Variants in OPCML observed in about 807,000 individuals in gnomAD.
The protein encoded by OPCML is opioid binding protein/cell adhesion molecule like.
In OPCML, 13 loss-of-function variants were observed where a neutral mutation model predicts 37.8. That is an observed-to-expected ratio of 0.34 (90% CI 0.22 to 0.55). The LOEUF (loss-of-function observed/expected upper bound fraction) is 0.55. Ranked by LOEUF, OPCML falls within the 20% of genes least tolerant of loss-of-function variation. The pLI is 0.91. For missense variants in OPCML, 341 were observed against 435.6 expected, an observed-to-expected ratio of 0.78 and a Z score of 1.93; for synonymous variants, 176 against 168.8, an observed-to-expected ratio of 1.04 and a Z score of -0.33.
At chr11:132,468,507 C>A (rs987097296) in intron 4 of OPCML, among the ~76,000 whole-genome samples, 1 of 152,102 alleles carries the variant, frequency 6.6e-6, no homozygotes, top group African/African-American at 2.4e-5. Context: ...TACAGTAATA[C>A]CTAACACTTG....
intron 3 of OPCML, among the ~76,000 whole-genome samples, chr11:132,586,604 G>A (rs898060444): frequency 6.6e-6 from 1 of 152,122 alleles, no homozygotes. Flanking sequence ...CCAGGGCTAC[G>A]ACAACTCTCC....
rs114062761 is a variant in OPCML at position 132,993,748 on chromosome 11, A to T, written c.62-50738T>A. On this transcript the variant is annotated intron_variant, in intron 1 of 7. Coordinates refer to ENST00000524381, the MANE Select transcript of OPCML (RefSeq NM_001012393.5). ...TCTAAATTCAGCACCTGTAAGCGCCACTACTTATCAGTTAATACATTTTAT... is the reference window on the plus strand; with the variant it reads ...TCTAAATTCAGCACCTGTAAGCGCCTCTACTTATCAGTTAATACATTTTAT... Among the ~76,000 whole-genome samples, 671 of 152,318 alleles carry T rather than the reference A, an allele frequency of 4.4e-3. 4 individuals carry two copies. Among genetic ancestry groups the T allele is most frequent in the African/African-American group, 0.015 (639 of 41,570 alleles).
chr11:132,847,005 C>T (rs1043392592), intron 2 of OPCML, among the ~76,000 whole-genome samples: 2 of 152,112 alleles, frequency 1.3e-5, no homozygotes, highest in Non-Finnish European at 2.9e-5. Context: ...AAAGATGTTC[C>T]CCCCAATGCC....
rs574241582 is a variant in OPCML, at chr11:132,689,417, C to T, written c.147-32098G>A. Among the ~76,000 whole-genome samples, 7 of 152,268 alleles carry T rather than the reference C, an allele frequency of 4.6e-5. No homozygotes were observed. The South Asian group carries it at 1.2e-3, about 27-fold the overall frequency. ...TGAGGAATAGGGCAAAGACTCTCTC[C>T]GTGTATTGACAAAATTGTGATTCTA... On this transcript the variant is annotated intron_variant, in intron 2 of 7. Coordinates refer to ENST00000524381, the MANE Select transcript of OPCML (RefSeq NM_001012393.5).
At position 132,867,445 on chromosome 11, in the gene OPCML, G is replaced by A. The variant is rs535257526; in HGVS notation, c.146+75481C>T. ...AATAGAAGTTACTTTCATTGAGGAT[G>A]AAATAAAATGTTTGTTTTGTTTTGG... On this transcript the variant is annotated intron_variant, in intron 2 of 7. Coordinates refer to ENST00000524381, the MANE Select transcript of OPCML (RefSeq NM_001012393.5). Among the ~76,000 whole-genome samples the A allele has an allele frequency of 3.3e-5, 5 of 152,322 alleles. No individual in the cohort carries two copies. The South Asian group carries it at 1.0e-3, about 32-fold the overall frequency.
chr11:133,527,398 T>C (rs1032647862), intron 1 of OPCML, among the ~76,000 whole-genome samples: 1 of 152,238 alleles, frequency 6.6e-6, no homozygotes, highest in Admixed American at 6.5e-5. Flanking sequence ...TTTACTCGAT[T>C]AATGATTTTT....
At chr11:132,708,983 G>A (rs1565793808) in intron 2 of OPCML, among the ~76,000 whole-genome samples, 2 of 152,040 alleles carry the variant, frequency 1.3e-5, no homozygotes. Flanking sequence ...TAGTCTCATG[G>A]GTCACGGAGT....
chr11:132,563,005 G>C (rs189083011), intron 3 of OPCML, among the ~76,000 whole-genome samples: 1 of 152,252 alleles, frequency 6.6e-6, no homozygotes, highest in African/African-American at 2.4e-5. Context: ...GTTGTGTTCT[G>C]TATTCACTTT....
intron 1 of OPCML, among the ~76,000 whole-genome samples, chr11:133,184,958 C>T (rs527792166): frequency 1.2e-4 from 18 of 152,264 alleles, no homozygotes; most frequent in Admixed American, 2.6e-4. Context: ...TCTTGCCATA[C>T]AGATTTTTGT....
intron 1 of OPCML, among the ~76,000 whole-genome samples, chr11:133,200,881 A>G (rs1406849903): frequency 6.6e-6 from 1 of 152,206 alleles, no homozygotes; most frequent in Admixed American, 6.5e-5. Flanking sequence ...GAATCCACCT[A>G]GAAGGCCATC....
intron 2 of OPCML, among the ~76,000 whole-genome samples, chr11:132,867,048 T>C (rs971962538): frequency 3.3e-5 from 5 of 152,238 alleles, no homozygotes; most frequent in Non-Finnish European, 5.9e-5. Flanking sequence ...TGAGGCCCTT[T>C]GTGATTTGAA....
chr11:133,259,165 A>G (rs1941414666), intron 1 of OPCML, among the ~76,000 whole-genome samples: 1 of 152,126 alleles, frequency 6.6e-6, no homozygotes, highest in South Asian at 2.1e-4. Context: ...ACAGGAAATG[A>G]CTTGTTCACG....
intron 1 of OPCML, among the ~76,000 whole-genome samples, chr11:133,149,364 C>A (rs1413016022): frequency 6.6e-6 from 1 of 152,134 alleles, no homozygotes; most frequent in Non-Finnish European, 1.5e-5. Flanking sequence ...CATATATTTC[C>A]CCCTGCAAAT....
intron 3 of OPCML, among the ~76,000 whole-genome samples, chr11:132,641,951 G>T (rs61346062): frequency 8.5e-5 from 13 of 152,270 alleles, no homozygotes; most frequent in Admixed American, 2.0e-4. Context: ...ATGGAGATGT[G>T]TGTACCACAG....
intron 2 of OPCML, among the ~76,000 whole-genome samples, chr11:132,849,946 C>T (rs1292204859): frequency 6.6e-6 from 1 of 152,214 alleles, no homozygotes; most frequent in Non-Finnish European, 1.5e-5. Flanking sequence ...TCCACTCGAG[C>T]AGATGACGCA....
intron 1 of OPCML, among the ~76,000 whole-genome samples, chr11:133,160,111 A>G (rs988573986): frequency 6.6e-6 from 1 of 152,244 alleles, no homozygotes; most frequent in Admixed American, 6.5e-5. Flanking sequence ...CAGAAATTCG[A>G]AAGTATCCTC....
chr11:132,535,863 T>C (rs1352115864), intron 3 of OPCML, among the ~76,000 whole-genome samples: 1 of 152,136 alleles, frequency 6.6e-6, no homozygotes, highest in Non-Finnish European at 1.5e-5. Flanking sequence ...AACTCTGAGC[T>C]CAATCCTTGG....
At chr11:132,827,606 C>A (rs1227555417) in intron 2 of OPCML, among the ~76,000 whole-genome samples, 1 of 152,156 alleles carries the variant, frequency 6.6e-6, no homozygotes, top group Non-Finnish European at 1.5e-5. Context: ...AAAACCTGTG[C>A]ACCAATGTGC....
intron 1 of OPCML, among the ~76,000 whole-genome samples, chr11:133,319,123 C>T (rs1034743881): frequency 6.6e-6 from 1 of 152,194 alleles, no homozygotes; most frequent in Non-Finnish European, 1.5e-5. Flanking sequence ...AGTGATTTTA[C>T]TGGTCTAAGA....
Sources: allele counts gnomAD v4.1 joint callset (sites outside exome capture counted in the v4.1 genomes callset), GRCh38; gene constraint gnomAD v4.1.1; transcripts MANE v1.5; gene names NCBI Gene and HGNC (gene_info 2026-07-23, HGNC 2026-07-21).